HERPUD1: variants seen among roughly 807,000 people sequenced by gnomAD.
HERPUD1 encodes the protein homocysteine inducible ER protein with ubiquitin like domain 1, also known as homocysteine-responsive endoplasmic reticulum-resident ubiquitin-like domain member 1 protein.
In HERPUD1, 17 loss-of-function variants were observed where a neutral mutation model predicts 45.0. That is an observed-to-expected ratio of 0.38 (90% CI 0.26 to 0.57). HERPUD1 has a LOEUF of 0.57. Ranked by LOEUF, HERPUD1 falls within the 20% of genes least tolerant of loss-of-function variation. The probability of loss-of-function intolerance (pLI) is 0.72; values close to 1 mark genes in which losing one functional copy is unlikely to be tolerated. For missense variants in HERPUD1, 420 were observed against 490.5 expected (o/e 0.86, Z 1.36); for synonymous variants, 164 against 177.5 (o/e 0.92, Z 0.61).
At position 56,944,851 on chromosome 16, in the gene HERPUD1, A is replaced by G. The variant is rs2055938149; in HGVS notation, c.*1561A>G. The G allele has an allele frequency of 6.6e-6, 1 of 152,232 alleles. No homozygotes were observed. The highest frequency in any genetic ancestry group is 1.5e-5 in the Non-Finnish European group (1 of 68,044). 9.4% of individuals were successfully genotyped at this position (152,232 alleles called of 1,614,324 possible). ...GGTGTTCTATTTGGCAAAATAAATCAGCCTTTTCTATCATGATTGTGGTCA... is the reference window on the plus strand; with the variant it reads ...GGTGTTCTATTTGGCAAAATAAATCGGCCTTTTCTATCATGATTGTGGTCA... On this transcript the variant is annotated 3_prime_UTR_variant, in exon 8 of 8. Transcript: ENST00000439977.
At chr16:56,933,337 T>C (rs1435767653) in intron 1 of HERPUD1, 10 of 455,968 alleles carry the variant, frequency 2.2e-5, no homozygotes, top group Admixed American at 2.1e-4. Context: ...TTCTGAGTTG[T>C]TATTTTGAAA....
At chr16:56,940,294 C>A in intron 6 of HERPUD1, 49 bp downstream of exon 6, 2 of 1,346,740 alleles carry the variant, frequency 1.5e-6, no homozygotes, top group Non-Finnish European at 2.1e-6. Context: ...TGTGTTCACA[C>A]TAAGCAGATT....
At chr16:56,942,829 A>G (rs2055921226) in intron 7 of HERPUD1, among the ~76,000 whole-genome samples, 1 of 152,226 alleles carries the variant, frequency 6.6e-6, no homozygotes, top group African/African-American at 2.4e-5. Flanking sequence ...TGGGTGACAG[A>G]GCGAGACTCT....
intron 4 of HERPUD1, among the ~76,000 whole-genome samples, chr16:56,938,794 T>G (rs1313830278): frequency 6.6e-6 from 1 of 152,016 alleles, no homozygotes; most frequent in African/African-American, 2.4e-5. Flanking sequence ...TCACTATAGA[T>G]TCAGATGGAG....
chr16:56,935,906 T>TA (rs2055862828), intron 3 of HERPUD1: 1 of 158,374 alleles, frequency 6.3e-6, no homozygotes, highest in South Asian at 1.8e-4. Context: ...TCAGAGTTTT[T>TA]ATCAAGTGAT....
At chr16:56,933,042 C>A (rs2055839494) in intron 1 of HERPUD1, 2 of 308,602 alleles carry the variant, frequency 6.5e-6, no homozygotes, top group Non-Finnish European at 1.3e-5. Flanking sequence ...GCAAGACTTC[C>A]TTGCTTTGTT....
intron 1 of HERPUD1, chr16:56,933,464 T>G (rs1405040754): frequency 4.8e-6 from 2 of 417,424 alleles, no homozygotes; most frequent in African/African-American, 4.1e-5. Flanking sequence ...GCCATGAGAA[T>G]GACTATTGGG....
Position 56,943,291 on chromosome 16 carries a change from T to C in HERPUD1, c.*1T>C, listed in dbSNP as rs7342710. On this transcript the variant is annotated 3_prime_UTR_variant, in exon 8 of 8. Coordinates refer to ENST00000439977, the MANE Select transcript of HERPUD1 (RefSeq NM_014685.4). ...AGGCCCCCCAGCCATCGCAAACTGA[T>C]GGTGTTTGTGCTGTAGCTGTTGGAG... The C allele has an allele frequency of 6.5e-4, 1,052 of 1,613,988 alleles. 9 individuals carry two copies. In the African/African-American group the frequency reaches 0.013, roughly 19 times the overall value.
rs562872622 is a variant in HERPUD1, at chr16:56,932,447, G to A, written c.147+56G>A. ...GCTGTGGCCCCCCGCCCTCTGCTGG[G>A]GATGCCACGTCCGGCTGCCCTGTCC... is the stretch of plus-strand genomic sequence containing the variant. On this transcript the variant is annotated intron_variant, in intron 1 of 7. Transcript: ENST00000439977. 3.3e-5 allele frequency: 47 copies of A among 1,432,002 alleles called. No homozygotes were observed. The Admixed American group carries it at 1.0e-3, about 31-fold the overall frequency. The allele number at this position is 1,432,002 out of a possible 1,614,324, so 88.7% of individuals were successfully genotyped here. A position where few individuals can be genotyped will look rare whatever the true frequency, so the allele number is the denominator to read the frequency against.
chr16:56,937,074 C>A, intron 4 of HERPUD1: 1 of 265,456 alleles, frequency 3.8e-6, no homozygotes, highest in South Asian at 5.2e-5. Context: ...TTTTATCCTT[C>A]CATTGTGCTG....
In HERPUD1 at chr16:56,944,287, C is replaced by T. The variant is rs1238883463; in HGVS notation, c.*997C>T. ...TAAACAGTACTGGCTTATATAGGAA[C>T]CCATCAAAGTTAAATTCCCCAAATT... On this transcript the variant is annotated 3_prime_UTR_variant, in exon 8 of 8. Coordinates refer to ENST00000439977, the MANE Select transcript of HERPUD1 (RefSeq NM_014685.4). The T allele has an allele frequency of 6.6e-6, 1 of 152,182 alleles. No homozygotes were observed. Among genetic ancestry groups the T allele is most frequent in the Non-Finnish European group, 1.5e-5 (1 of 68,040 alleles). 9.4% of individuals were successfully genotyped at this position (152,182 alleles called of 1,614,324 possible).
chr16:56,943,755 T>C lies in HERPUD1; in HGVS notation c.*465T>C, dbSNP rs2055930349. 2 of 244,156 alleles carry C rather than the reference T, an allele frequency of 8.2e-6. No individual in the cohort carries two copies. Among genetic ancestry groups the C allele is most frequent in the Middle Eastern group, 1.3e-3 (1 of 742 alleles). 15.1% of individuals were successfully genotyped at this position (244,156 alleles called of 1,614,324 possible). A position where few individuals can be genotyped will look rare whatever the true frequency, so the allele number is the denominator to read the frequency against. On this transcript the variant is annotated 3_prime_UTR_variant, in exon 8 of 8. Coordinates refer to ENST00000439977, the MANE Select transcript of HERPUD1 (RefSeq NM_014685.4). ...TAGACATGTTTTAGCAGGACTTTTC[T>C]AGGAAAGACTTATGTATAATTGCTT...
intron 6 of HERPUD1, chr16:56,941,606 TAAAAA>T (rs1297110659): frequency 6.6e-6 from 1 of 152,124 alleles, no homozygotes; most frequent in South Asian, 2.1e-4. Context: ...CTTTTAAAAA[TAAAAA>T]AGGAATAATT....
At position 56,940,143 on chromosome 16, in the gene HERPUD1, C is replaced by T; in HGVS notation, c.803C>T (p.Thr268Ile). 1 of 1,614,144 alleles carries T rather than the reference C, an allele frequency of 6.2e-7. No individual in the cohort carries two copies. Among genetic ancestry groups the T allele is most frequent in the South Asian group, 1.1e-5 (1 of 91,088 alleles). Residue 268 changes from threonine to isoleucine, a missense_variant, in exon 6 of 8, where the codon ACC (threonine) becomes ATC (isoleucine). Coordinates refer to ENST00000439977, the MANE Select transcript of HERPUD1 (RefSeq NM_014685.4). ...DEINRDWLDW[T>I]YSAATFSVFL... ...ATAAATCGAGATTGGTTGGATTGGA[C>T]CTATTCAGCAGCTACATTTTCTGTT...
chr16:56,941,346 G>A (rs975344491), intron 6 of HERPUD1: 2 of 152,208 alleles, frequency 1.3e-5, no homozygotes, highest in Non-Finnish European at 2.9e-5. Context: ...CTCCCCAGGG[G>A]ACATTTGGCA....
intron 1 of HERPUD1, among the ~76,000 whole-genome samples, chr16:56,933,592 G>A (rs186854275): frequency 9.2e-5 from 14 of 152,306 alleles, no homozygotes; most frequent in Admixed American, 5.9e-4. Flanking sequence ...CATCTGTTCA[G>A]TCTGAAGACC....
intron 1 of HERPUD1, among the ~76,000 whole-genome samples, chr16:56,932,646 C>G (rs1395900350): frequency 1.3e-5 from 2 of 152,260 alleles, no homozygotes; most frequent in East Asian, 1.9e-4. Flanking sequence ...TGTTTCTCCC[C>G]CAGCGGCCAG....
chr16:56,935,311 A>T lies in HERPUD1; in HGVS notation c.224A>T (p.Lys75Met). ...CAATGTCTCAGGGACTTGCTTCCAA[A>T]GGTACATCACTTACACATTAACTTC... ...DHQCLRDLLP[K>M]QEKRHVLHLV... Residue 75 changes from lysine (K) to methionine (M), a missense_variant and splice_region_variant, in exon 2 of 8, where the codon AAG (lysine) becomes ATG (methionine). Transcript: ENST00000439977. The T allele has an allele frequency of 6.2e-7, 1 of 1,613,674 alleles. No homozygotes were observed. Among genetic ancestry groups the T allele is most frequent in the African/African-American group, 1.3e-5 (1 of 75,034 alleles).
At chr16:56,935,771 C>T (rs39718) in intron 3 of HERPUD1, 192,748 of 330,212 alleles carry the variant, frequency 0.58, 58,885 homozygotes, top group African/African-American at 0.84. Context: ...TAACACTAAT[C>T]GGGTTTTTAT....
Sources: allele counts gnomAD v4.1 joint callset (sites outside exome capture counted in the v4.1 genomes callset), GRCh38; gene constraint gnomAD v4.1.1; transcripts MANE v1.5; gene names NCBI Gene and HGNC (gene_info 2026-07-23, HGNC 2026-07-21).